TOR1AIP2: variants seen among roughly 807,000 people sequenced by gnomAD.
TOR1AIP2 encodes the protein torsin 1A interacting protein 2.
Under a neutral mutation model 32.6 loss-of-function variants are expected in TOR1AIP2, and 20 were observed. That is an observed-to-expected ratio of 0.61 (90% confidence interval 0.43 to 0.89). The LOEUF (loss-of-function observed/expected upper bound fraction) is 0.89. Ranked by LOEUF, TOR1AIP2 falls within the 40% of genes least tolerant of loss-of-function variation. The pLI, the probability that TOR1AIP2 is intolerant of heterozygous loss-of-function variation, is 0.00. For synonymous variants in TOR1AIP2, 214 were observed against 210.8 expected, an observed-to-expected ratio of 1.02 and a Z score of -0.13; for missense variants, 456 against 553.8, an observed-to-expected ratio of 0.82 and a Z score of 1.77.
intron 4 of TOR1AIP2, among the ~76,000 whole-genome samples, chr1:179,851,693 T>C (rs1001377755): frequency 3.3e-5 from 5 of 152,140 alleles, no homozygotes; most frequent in African/African-American, 1.2e-4. Flanking sequence ...GATAGGGACT[T>C]TTATAGTGGA....
chr1:179,848,412 C>T (rs1695998178), intron 5 of TOR1AIP2, among the ~76,000 whole-genome samples: 1 of 152,134 alleles, frequency 6.6e-6, no homozygotes, highest in South Asian at 2.1e-4. Flanking sequence ...GATTAGTGTA[C>T]AGTTGCAAAA....
intron 3 of TOR1AIP2, among the ~76,000 whole-genome samples, chr1:179,854,553 T>C (rs1400545833): frequency 6.6e-6 from 1 of 152,204 alleles, no homozygotes; most frequent in Non-Finnish European, 1.5e-5. Flanking sequence ...GGGCAATCTT[T>C]ACCAGATATC....
chr1:179,862,637 A>C, intron 3 of TOR1AIP2: 5 of 985,424 alleles, frequency 5.1e-6, no homozygotes, highest in Non-Finnish European at 6.0e-6. Flanking sequence ...TTCCTTGCTA[A>C]AAGAGCCCTG....
At chr1:179,867,941 C>A (rs1018068997) in intron 2 of TOR1AIP2, 1 of 152,240 alleles carries the variant, frequency 6.6e-6, no homozygotes, top group African/African-American at 2.4e-5. Context: ...TCCAAATGCT[C>A]AAAATAATAC....
chr1:179,875,408 A>G (rs1373789555), intron 2 of TOR1AIP2: 1 of 152,242 alleles, frequency 6.6e-6, no homozygotes, highest in Non-Finnish European at 1.5e-5. Context: ...AATACTGGCA[A>G]CCACAGGGGC....
rs55706288 is a variant in TOR1AIP2 at position 179,863,503 on chromosome 1, T to C, written c.-147+1933A>G. On this transcript the variant is annotated intron_variant, in intron 3 of 6. Transcript: ENST00000609928. ...ACAACAAGAAGTCATATTGTACTCA[T>C]TGAGAAAAAAAAACCTAACGATAAA... The C allele has an allele frequency of 0.18, 181,860 of 984,336 alleles. 17,726 individuals carry two copies. Among genetic ancestry groups the C allele is most frequent in the Non-Finnish European group, 0.2 (164,449 of 829,674 alleles). The allele number at this position is 984,336 out of a possible 1,614,324, so 61.0% of individuals were successfully genotyped here. A position where few individuals can be genotyped will look rare whatever the true frequency, so the allele number is the denominator to read the frequency against.
At chr1:179,863,829 A>G in intron 3 of TOR1AIP2, 2 of 985,354 alleles carry the variant, frequency 2.0e-6, no homozygotes, top group Non-Finnish European at 2.4e-6. Context: ...GGCCTTTGAG[A>G]TGTTTTCAAC....
intron 3 of TOR1AIP2, chr1:179,863,850 A>G (rs1362690387): frequency 1.0e-6 from 1 of 985,398 alleles, no homozygotes; most frequent in Non-Finnish European, 1.2e-6. Context: ...AGCTTTTTCT[A>G]AGTGGCTTAA....
In TOR1AIP2 at chr1:179,844,222, T is replaced by C. The variant is rs1173110132; in HGVS notation, c.*1849A>G. 2 of 152,218 alleles carry C rather than the reference T, an allele frequency of 1.3e-5. No homozygotes were observed. The highest frequency in any genetic ancestry group is 4.8e-5 in the African/African-American group (2 of 41,442). 9.4% of individuals were successfully genotyped at this position (152,218 alleles called of 1,614,324 possible). On this transcript the variant is annotated 3_prime_UTR_variant, in exon 7 of 7. Transcript: ENST00000609928. ...TACTGGATTGACAGTGATATCACAT[T>C]CACCATGCTTTAACTTTTTGTTCAG...
intron 3 of TOR1AIP2, chr1:179,860,840 A>C (rs1696498820): frequency 1.0e-6 from 1 of 985,246 alleles, no homozygotes; most frequent in African/African-American, 1.7e-5. Context: ...GAGACTGGAG[A>C]GATGAACGGG....
chr1:179,871,895 T>C (rs576777784), intron 2 of TOR1AIP2, among the ~76,000 whole-genome samples: 1 of 152,314 alleles, frequency 6.6e-6, no homozygotes, highest in Middle Eastern at 3.4e-3. Context: ...TCTTTTTGAA[T>C]TCATATAATC....
At chr1:179,853,427 T>G (rs186588594) in intron 3 of TOR1AIP2, among the ~76,000 whole-genome samples, 127 of 152,274 alleles carry the variant, frequency 8.3e-4, no homozygotes, top group African/African-American at 2.7e-3. Context: ...TTATTAAGGT[T>G]TACACAAAAG....
chr1:179,853,800 T>C (rs910478882), intron 3 of TOR1AIP2, among the ~76,000 whole-genome samples: 2 of 152,160 alleles, frequency 1.3e-5, no homozygotes, highest in Non-Finnish European at 2.9e-5. Context: ...AATAAATGAA[T>C]GTATAAATAA....
At chr1:179,852,523 T>C in intron 4 of TOR1AIP2, 109 bp downstream of exon 4, 2 of 1,139,918 alleles carry the variant, frequency 1.8e-6, no homozygotes, top group Non-Finnish European at 2.6e-6. Context: ...CCCACTGAAT[T>C]AGCTTTTTTA....
chr1:179,870,184 C>T (rs1696957063), intron 2 of TOR1AIP2, among the ~76,000 whole-genome samples: 1 of 152,156 alleles, frequency 6.6e-6, no homozygotes, highest in South Asian at 2.1e-4. Context: ...ATCACGAGGT[C>T]AGGAGATGGA....
chr1:179,868,426 G>GT (rs1293168384), intron 2 of TOR1AIP2: 1 of 152,180 alleles, frequency 6.6e-6, no homozygotes, highest in Non-Finnish European at 1.5e-5. Context: ...AAAATAAAAT[G>GT]TAACTTGAAT....
intron 3 of TOR1AIP2, among the ~76,000 whole-genome samples, chr1:179,858,791 T>G (rs1409683522): frequency 6.6e-6 from 1 of 151,994 alleles, no homozygotes; most frequent in Non-Finnish European, 1.5e-5. Flanking sequence ...CATCCTCCAC[T>G]CCATCCTGCA....
At chr1:179,854,498 G>C (rs140678884) in intron 3 of TOR1AIP2, among the ~76,000 whole-genome samples, 165 of 152,296 alleles carry the variant, frequency 1.1e-3, no homozygotes, top group Middle Eastern at 6.8e-3. Context: ...AATTCACAAA[G>C]AGCAGCAAAG....
intron 2 of TOR1AIP2, among the ~76,000 whole-genome samples, chr1:179,873,199 T>C (rs1697076651): frequency 2.0e-5 from 3 of 152,158 alleles, no homozygotes; most frequent in Non-Finnish European, 4.4e-5. Flanking sequence ...GTGTTTTTTG[T>C]TTTTAAAAAT....
Sources: allele counts gnomAD v4.1 joint callset (sites outside exome capture counted in the v4.1 genomes callset), GRCh38; gene constraint gnomAD v4.1.1; transcripts MANE v1.5; gene names NCBI Gene and HGNC (gene_info 2026-07-23, HGNC 2026-07-21).